The following IMPG1 variants were observed in gnomAD, a reference collection of about 807,000 sequenced individuals.
The protein encoded by IMPG1 is interphotoreceptor matrix proteoglycan 1, also known as interphotoreceptor matrix proteoglycan of 150 kDa.
In IMPG1, 85 loss-of-function variants were observed where a neutral mutation model predicts 92.0. The observed-to-expected ratio is 0.92, with a 90% confidence interval of 0.78 to 1.11. The LOEUF (loss-of-function observed/expected upper bound fraction) is 1.11. Ranked by LOEUF, IMPG1 falls within the 50% of genes least tolerant of loss-of-function variation. IMPG1 has a pLI of 0.00. For synonymous variants in IMPG1, 367 were observed against 334.1 expected (o/e 1.10, Z -1.08); for missense variants, 1,022 against 956.0 (o/e 1.07, Z -0.91).
At chr6:76,046,921 TA>T (rs1321818844) in intron 1 of IMPG1, among the ~76,000 whole-genome samples, 1 of 152,200 alleles carries the variant, frequency 6.6e-6, no homozygotes, top group Non-Finnish European at 1.5e-5. Context: ...AATAACATTT[TA>T]TAAATCAGTG....
chr6:76,065,649 A>C (rs2127598580), intron 1 of IMPG1, among the ~76,000 whole-genome samples: 1 of 152,266 alleles, frequency 6.6e-6, no homozygotes, highest in African/African-American at 2.4e-5. Context: ...AAGGATTGGA[A>C]AATATAATTT....
Position 75,940,438 on chromosome 6 carries a change from C to T in IMPG1, c.2044+6876G>A, listed in dbSNP as rs575608781. On this transcript the variant is annotated intron_variant, in intron 14 of 16. Transcript: ENST00000369950. ...AAAATTAAAAACAAATTAATATACGCACCACCCTTTGTACCTATTTTATAT... is the reference window on the plus strand; with the variant it reads ...AAAATTAAAAACAAATTAATATACGTACCACCCTTTGTACCTATTTTATAT... Among the ~76,000 whole-genome samples the T allele has an allele frequency of 1.5e-3, 234 of 152,302 alleles. 2 individuals carry two copies. Among genetic ancestry groups the T allele is most frequent in the Non-Finnish European group, 1.4e-3 (93 of 68,038 alleles).
intron 4 of IMPG1, among the ~76,000 whole-genome samples, chr6:76,032,016 G>T (rs1290445355): frequency 6.6e-6 from 1 of 152,194 alleles, no homozygotes; most frequent in Non-Finnish European, 1.5e-5. Flanking sequence ...GGTTAGTCAG[G>T]TGAGAAAATT....
intron 15 of IMPG1, among the ~76,000 whole-genome samples, chr6:75,927,940 G>T (rs2149449105): frequency 6.6e-6 from 1 of 152,180 alleles, no homozygotes. Flanking sequence ...TTTTTGAGAG[G>T]TGTTTATTTC....
chr6:75,946,307 C>T (rs1781928385), intron 14 of IMPG1, among the ~76,000 whole-genome samples: 1 of 152,182 alleles, frequency 6.6e-6, no homozygotes, highest in Non-Finnish European at 1.5e-5. Flanking sequence ...ACTGCTCTAT[C>T]AAATATAAAT....
chr6:75,950,774 C>T lies in IMPG1; in HGVS notation c.1612G>A (p.Glu538Lys), dbSNP rs759545902. ...AAATGATCTGGGACAGAAACATATT[C>T]GCTGAGCTCTGGTACCTCAGATGGG... is the stretch of plus-strand genomic sequence containing the variant. ...PAPSEVPELSEYVSVPDHFLE... is the reference protein window; with the variant it reads ...PAPSEVPELSKYVSVPDHFLE... Residue 538 changes from glutamate (E) to lysine (K), a missense_variant, in exon 13 of 17, where the codon GAA becomes AAA. Around this residue, in one of 3 missense-constraint regions of IMPG1, gnomAD observed 332 missense variants for 346.2 expected, o/e 0.96. Transcript: ENST00000369950. The T allele has an allele frequency of 2.3e-5, 37 of 1,613,890 alleles. No homozygotes were observed. Among genetic ancestry groups the T allele is most frequent in the Middle Eastern group, 3.3e-4 (2 of 6,056 alleles).
intron 15 of IMPG1, among the ~76,000 whole-genome samples, chr6:75,925,261 T>A (rs1781531478): frequency 6.6e-6 from 1 of 152,226 alleles, no homozygotes; most frequent in Non-Finnish European, 1.5e-5. Flanking sequence ...TAAATTTTTT[T>A]AAATAAAATA....
rs745383765 is a variant in IMPG1 at position 75,950,574 on chromosome 6, T to C, written c.1812A>G (p.Gln604=). ...AGTGCCCACTCACCAGCTGTGTGAA[T>C]TGTTGCTCCAGAGCTCGGTACTCCA... ...SSLEYRALEQ[Q]FTQLLVPYLR... is the part of the protein sequence containing the mutation. The change falls in exon 13 of 17, where the codon CAA becomes CAG. Residue 604 remains glutamine (Q), a synonymous_variant. Coordinates refer to ENST00000369950, the MANE Select transcript of IMPG1 (RefSeq NM_001563.4). 10 of 1,607,842 alleles carry C rather than the reference T, an allele frequency of 6.2e-6. No individual in the cohort carries two copies. In the African/African-American group the frequency reaches 1.2e-4, roughly 19 times the overall value.
chr6:75,930,684 G>A (rs1582048602), intron 15 of IMPG1, among the ~76,000 whole-genome samples: 1 of 152,094 alleles, frequency 6.6e-6, no homozygotes, highest in Non-Finnish European at 1.5e-5. Flanking sequence ...CCCTTGCCGG[G>A]AAGCCTAGAG....
At chr6:76,037,356 G>GT (rs1783759220) in intron 2 of IMPG1, among the ~76,000 whole-genome samples, 1 of 152,176 alleles carries the variant, frequency 6.6e-6, no homozygotes, top group Non-Finnish European at 1.5e-5. Context: ...ACAGGAGAGG[G>GT]TGCAGTCCTG....
rs1456929298 is a variant in IMPG1 at position 75,926,328 on chromosome 6, C to T, written c.2244-2622G>A. On this transcript the variant is annotated intron_variant, in intron 15 of 16. Transcript: ENST00000369950. ...TCCTCCTACAAACCTCCCCCGTAAC[C>T]GAACCTTCCCACTATTCAGTGGAGA... Among the ~76,000 whole-genome samples, 6 of 152,188 alleles carry T rather than the reference C, an allele frequency of 3.9e-5. No homozygotes were observed. In the East Asian group the frequency reaches 5.8e-4, roughly 15 times the overall value.
intron 6 of IMPG1, among the ~76,000 whole-genome samples, chr6:76,021,911 C>G (rs113041292): frequency 3.2e-4 from 48 of 150,762 alleles, no homozygotes; most frequent in African/African-American, 1.1e-3. Flanking sequence ...CCCTTTTATT[C>G]TAGGTCTTAA....
intron 12 of IMPG1, among the ~76,000 whole-genome samples, chr6:75,962,996 G>A (rs571140423): frequency 6.6e-6 from 1 of 151,458 alleles, no homozygotes; most frequent in South Asian, 2.1e-4. Context: ...AGCCAAGATT[G>A]CCCCACTGTA....
intron 12 of IMPG1, among the ~76,000 whole-genome samples, chr6:75,961,734 AAAG>A (rs1311308048): frequency 6.6e-6 from 1 of 152,216 alleles, no homozygotes; most frequent in Admixed American, 6.5e-5. Flanking sequence ...GAGAAGGCCA[AAAG>A]AAGAAGAATG....
At chr6:75,960,331 G>GA (rs1185836076) in intron 12 of IMPG1, among the ~76,000 whole-genome samples, 1 of 151,980 alleles carries the variant, frequency 6.6e-6, no homozygotes, top group Non-Finnish European at 1.5e-5. Flanking sequence ...CTTGCCAGCC[G>GA]AAAAAAAGAT....
chr6:76,066,352 G>A (rs1784310566), intron 1 of IMPG1, among the ~76,000 whole-genome samples: 1 of 151,998 alleles, frequency 6.6e-6, no homozygotes, highest in Non-Finnish European at 1.5e-5. Flanking sequence ...ATAGACTGAA[G>A]CTAAAGGGGT....
At chr6:76,027,381 A>T (rs972793917) in intron 4 of IMPG1, among the ~76,000 whole-genome samples, 1 of 152,230 alleles carries the variant, frequency 6.6e-6, no homozygotes, top group Non-Finnish European at 1.5e-5. Context: ...CACACAATTA[A>T]AGTAACTTAC....
intron 2 of IMPG1, among the ~76,000 whole-genome samples, chr6:76,040,594 C>T (rs1783818559): frequency 1.3e-5 from 2 of 152,178 alleles, no homozygotes; most frequent in African/African-American, 4.8e-5. Flanking sequence ...CTTCTAGGAC[C>T]TTAGAATAGT....
Position 75,923,685 on chromosome 6 carries a change from AT to A in IMPG1, c.2264del (p.Asn755IlefsTer19). 6.3e-7 allele frequency: 1 copy of A among 1,597,102 alleles called. No individual in the cohort carries two copies. Among genetic ancestry groups the A allele is most frequent in the Non-Finnish European group, 8.6e-7 (1 of 1,165,968 alleles). On this transcript the variant is annotated frameshift_variant, in exon 16 of 17. Coordinates refer to ENST00000369950, the MANE Select transcript of IMPG1 (RefSeq NM_001563.4). LOFTEE classifies it high-confidence loss of function. ...APCRLPDHSE[N>X]QAYKTSVKKF... ...TTTTAACACTAGTTTTGTATGCTTG[AT>A]TTTCAGAGTGATCTGGCAACCTACA...
Sources: gnomAD v4.1 joint callset for allele counts (sites outside exome capture counted in the v4.1 genomes callset) on GRCh38, gnomAD v4.1.1 for gene constraint, gnomAD v4.1.1 regional missense constraint, MANE v1.5 for transcripts, NCBI Gene and HGNC (gene_info 2026-07-23, HGNC 2026-07-21) for gene names.